The following ADAMTS17 variants were observed in gnomAD, a reference collection of about 807,000 sequenced individuals.
ADAMTS17 encodes the protein ADAM metallopeptidase with thrombospondin type 1 motif 17.
Under a neutral mutation model 141.5 loss-of-function variants are expected in ADAMTS17, and 113 were observed. The observed-to-expected ratio is 0.80, with a 90% CI of 0.69 to 0.93. The LOEUF (loss-of-function observed/expected upper bound fraction) is 0.93, where lower values mean the gene tolerates loss of function less well. ADAMTS17 is among the 40% of genes least tolerant of loss of function. ADAMTS17 has a pLI of 0.00. For synonymous variants in ADAMTS17, 768 were observed against 630.6 expected (o/e 1.22, Z -3.27); for missense variants, 1,659 against 1,517.9 (o/e 1.09, Z -1.54).
intron 20 of ADAMTS17, among the ~76,000 whole-genome samples, chr15:99,989,363 G>A (rs1168930536): frequency 6.6e-6 from 1 of 152,218 alleles, no homozygotes; most frequent in Non-Finnish European, 1.5e-5. Flanking sequence ...ACCCCTGTGG[G>A]CACAGGCGCC....
At chr15:100,283,708 A>G (rs2044357318) in intron 3 of ADAMTS17, among the ~76,000 whole-genome samples, 1 of 152,212 alleles carries the variant, frequency 6.6e-6, no homozygotes, top group African/African-American at 2.4e-5. Context: ...ACACATTAGG[A>G]GCCAGCTAGC....
intron 7 of ADAMTS17, among the ~76,000 whole-genome samples, chr15:100,214,697 G>C (rs1030033055): frequency 1.3e-5 from 2 of 152,190 alleles, no homozygotes; most frequent in Admixed American, 6.5e-5. Context: ...GGAAATCACA[G>C]AATGTTCTAG....
At chr15:100,117,134 C>A (rs2037188606) in intron 12 of ADAMTS17, 121 bp from the exon 13 acceptor site, 3 of 1,162,932 alleles carry the variant, frequency 2.6e-6, no homozygotes, top group Non-Finnish European at 2.5e-6. Flanking sequence ...TCCAAAGCCA[C>A]CCCCTCTCTG....
At chr15:100,140,839 G>A (rs1269282633) in intron 10 of ADAMTS17, among the ~76,000 whole-genome samples, 2 of 152,068 alleles carry the variant, frequency 1.3e-5, no homozygotes, top group East Asian at 1.9e-4. Context: ...GTGAGATGGG[G>A]CGCTCTGTGC....
chr15:100,015,351 T>C (rs1474146250), intron 18 of ADAMTS17, among the ~76,000 whole-genome samples: 1 of 152,248 alleles, frequency 6.6e-6, no homozygotes, highest in Non-Finnish European at 1.5e-5. Flanking sequence ...TCAATGTTCC[T>C]ATTGGGATGT....
intron 18 of ADAMTS17, among the ~76,000 whole-genome samples, chr15:100,030,992 T>C (rs1208023713): frequency 6.6e-6 from 1 of 152,182 alleles, no homozygotes; most frequent in Non-Finnish European, 1.5e-5. Context: ...GTGATGATAG[T>C]TTTGGCTGGC....
At chr15:100,156,664 AGTT>A (rs1292136597) in intron 8 of ADAMTS17, among the ~76,000 whole-genome samples, 12 of 152,252 alleles carry the variant, frequency 7.9e-5, no homozygotes, top group Admixed American at 6.5e-4. Flanking sequence ...ACAAACACCA[AGTT>A]GTTGTTCTCA....
chr15:100,096,279 G>T, intron 15 of ADAMTS17, 77 bp downstream of exon 15: 1 of 1,601,666 alleles, frequency 6.2e-7, no homozygotes, highest in Non-Finnish European at 8.5e-7. Flanking sequence ...TGAAATGTAG[G>T]GAAGACTGCA....
chr15:100,108,850 G>A (rs1596455744), intron 14 of ADAMTS17, 139 bp downstream of exon 14: 2 of 1,435,390 alleles, frequency 1.4e-6, no homozygotes, highest in Non-Finnish European at 1.9e-6. Flanking sequence ...GGCGGCAGGA[G>A]GCGGCATCAC....
intron 3 of ADAMTS17, among the ~76,000 whole-genome samples, chr15:100,323,918 C>T (rs1436951725): frequency 6.6e-6 from 1 of 151,536 alleles, no homozygotes; most frequent in Non-Finnish European, 1.5e-5. Context: ...AAGGGGTCCC[C>T]TATGTCAGGT....
Position 100,074,954 on chromosome 15 carries a change from T to C in ADAMTS17, c.2138-20900A>G, listed in dbSNP as rs191417499. Among the ~76,000 whole-genome samples, 281 of 152,334 alleles carry C rather than the reference T, an allele frequency of 1.8e-3. 1 individual carries two copies. Among genetic ancestry groups the C allele is most frequent in the Non-Finnish European group, 3.1e-3 (211 of 68,012 alleles). Reference sequence around the variant, plus strand: ...TACTTTCCTACCCCCATTTGGTTCATTAAATGAGAAAACAGTGGAGCTGTA... The same window carrying C: ...TACTTTCCTACCCCCATTTGGTTCACTAAATGAGAAAACAGTGGAGCTGTA... On this transcript the variant is annotated intron_variant, in intron 15 of 21. Coordinates refer to ENST00000268070, the MANE Select transcript of ADAMTS17 (RefSeq NM_139057.4).
chr15:100,322,182 C>A (rs1386915659), intron 3 of ADAMTS17, among the ~76,000 whole-genome samples: 1 of 152,146 alleles, frequency 6.6e-6, no homozygotes, highest in East Asian at 1.9e-4. Context: ...CAGTGCCATG[C>A]AGAAGGGGTA....
At chr15:100,205,297 A>C (rs1258083746) in intron 7 of ADAMTS17, among the ~76,000 whole-genome samples, 1 of 152,174 alleles carries the variant, frequency 6.6e-6, no homozygotes, top group African/African-American at 2.4e-5. Context: ...TGGAGGAATA[A>C]ATTGGCCCTG....
chr15:100,156,824 C>A (rs1324140471), intron 8 of ADAMTS17, among the ~76,000 whole-genome samples: 1 of 152,212 alleles, frequency 6.6e-6, no homozygotes, highest in Non-Finnish European at 1.5e-5. Flanking sequence ...TATACAAACA[C>A]ACACACACAC....
At chr15:99,981,606 G>GCTTGTCT (rs2060483646) in intron 20 of ADAMTS17, among the ~76,000 whole-genome samples, 3 of 152,198 alleles carry the variant, frequency 2.0e-5, no homozygotes, top group Non-Finnish European at 4.4e-5. Flanking sequence ...TGTGTTAGGT[G>GCTTGTCT]AGAAGACAAG....
At chr15:100,090,097 G>C (rs886929831) in intron 15 of ADAMTS17, among the ~76,000 whole-genome samples, 1 of 151,798 alleles carries the variant, frequency 6.6e-6, no homozygotes, top group Non-Finnish European at 1.5e-5. Flanking sequence ...AAGAAAACCA[G>C]CTTTTAGGAT....
In ADAMTS17 at chr15:99,976,041, T is replaced by C. The variant is rs1184693295; in HGVS notation, c.3127+4A>G. 6.5e-7 allele frequency: 1 copy of C among 1,549,100 alleles called. No individual in the cohort carries two copies. Among genetic ancestry groups the C allele is most frequent in the Admixed American group, 2.0e-5 (1 of 50,890 alleles). On this transcript the variant is annotated splice_donor_region_variant and intron_variant, in intron 21 of 21. Coordinates refer to ENST00000268070, the MANE Select transcript of ADAMTS17 (RefSeq NM_139057.4). ...TGGGAACCGGGGCCAGTGAAGACAC[T>C]CACCAAGGCGGGGGGAGGTGATGGT...
intron 7 of ADAMTS17, among the ~76,000 whole-genome samples, chr15:100,253,196 C>A (rs528072774): frequency 1.3e-5 from 2 of 151,404 alleles, no homozygotes; most frequent in East Asian, 3.9e-4. Context: ...CGCGTTATGG[C>A]AGGGAAAACT....
rs73474404 is a variant in ADAMTS17, at chr15:100,053,213, C to T, written c.2295+684G>A. Among the ~76,000 whole-genome samples, 791 of 152,242 alleles carry T rather than the reference C, an allele frequency of 5.2e-3. 10 individuals are homozygous for T. Among genetic ancestry groups the T allele is most frequent in the African/African-American group, 0.018 (753 of 41,542 alleles). The stretch of plus-strand genomic sequence containing the variant: ...CCATGAGAACTCCTGGATCTTGAGA[C>T]GGAAGCAGGGCGCTCCATTCCCTGG... On this transcript the variant is annotated intron_variant, in intron 16 of 21. Coordinates refer to ENST00000268070, the MANE Select transcript of ADAMTS17 (RefSeq NM_139057.4).
Sources: gnomAD v4.1 joint callset for allele counts (sites outside exome capture counted in the v4.1 genomes callset) on GRCh38, gnomAD v4.1.1 for gene constraint, MANE v1.5 for transcripts, NCBI Gene and HGNC (gene_info 2026-07-23, HGNC 2026-07-21) for gene names.